Variants in ABAT observed in about 807,000 individuals in gnomAD.
The protein encoded by ABAT is 4-aminobutyrate aminotransferase, mitochondrial.
ABAT carries 45 observed loss-of-function variants against 64.6 expected under a neutral mutation model. That is an observed-to-expected ratio of 0.70 (90% CI 0.55 to 0.89). The LOEUF (loss-of-function observed/expected upper bound fraction) is 0.89. Ranked by LOEUF, ABAT falls within the 40% of genes least tolerant of loss-of-function variation. The probability of loss-of-function intolerance (pLI) is 0.00; values close to 1 mark genes in which losing one functional copy is unlikely to be tolerated. For missense variants in ABAT, 633 were observed against 658.4 expected (o/e 0.96, Z 0.42); for synonymous variants, 297 against 250.5 (o/e 1.19, Z -1.75).
intron 2 of ABAT, among the ~76,000 whole-genome samples, chr16:8,742,418 G>A (rs936182919): frequency 2.6e-5 from 4 of 152,138 alleles, no homozygotes; most frequent in African/African-American, 9.7e-5. Flanking sequence ...GCTAATTTCT[G>A]ATTTTTCATT....
chr16:8,753,358 G>A (rs1650524388), intron 5 of ABAT, among the ~76,000 whole-genome samples: 1 of 152,140 alleles, frequency 6.6e-6, no homozygotes, highest in Non-Finnish European at 1.5e-5. Flanking sequence ...GCCTCCCAAA[G>A]TGCTAGGAAT....
chr16:8,739,097 G>T (rs2059081599), intron 2 of ABAT, among the ~76,000 whole-genome samples: 1 of 152,250 alleles, frequency 6.6e-6, no homozygotes, highest in African/African-American at 2.4e-5. Context: ...AACTAAGGCT[G>T]TTGGGCACCT....
At chr16:8,722,786 A>C in intron 1 of ABAT, 1 of 1,288,310 alleles carries the variant, frequency 7.8e-7, no homozygotes, top group Non-Finnish European at 1.0e-6. Flanking sequence ...TCCAGGGTCT[A>C]GCGGATTGCA....
chr16:8,712,009 G>GGT (rs1555485859), intron 1 of ABAT, among the ~76,000 whole-genome samples: 1 of 151,532 alleles, frequency 6.6e-6, no homozygotes, highest in African/African-American at 2.4e-5. Flanking sequence ...GGAGGTCGGG[G>GGT]GGGAGGGGCA....
intron 1 of ABAT, among the ~76,000 whole-genome samples, chr16:8,718,409 A>C (rs2058272028): frequency 6.6e-6 from 1 of 152,248 alleles, no homozygotes; most frequent in African/African-American, 2.4e-5. Context: ...CTTTAGGGGA[A>C]TGGCAATGAA....
At chr16:8,704,977 T>C (rs1470703892) in intron 1 of ABAT, among the ~76,000 whole-genome samples, 1 of 152,212 alleles carries the variant, frequency 6.6e-6, no homozygotes, top group Non-Finnish European at 1.5e-5. Flanking sequence ...TGAGACACTG[T>C]GCCTGTGGCT....
rs552256994 is a variant in ABAT at position 8,722,307 on chromosome 16, T to C, written c.-41-13392T>C. The stretch of plus-strand genomic sequence containing the variant: ...GGAAGATAGCAATTAGGTTTTTTTA[T>C]TTGTTATATTTTTCTTTGTAGAGAC... On this transcript the variant is annotated intron_variant, in intron 1 of 15. Transcript: ENST00000268251. Among the ~76,000 whole-genome samples, 4 of 152,278 alleles carry C rather than the reference T, an allele frequency of 2.6e-5. No individual in the cohort carries two copies. The East Asian group carries it at 7.7e-4, about 29-fold the overall frequency.
At chr16:8,697,675 A>G (rs2057734062) in intron 1 of ABAT, among the ~76,000 whole-genome samples, 1 of 151,204 alleles carries the variant, frequency 6.6e-6, no homozygotes, top group African/African-American at 2.4e-5. Flanking sequence ...TTGCTCTGTC[A>G]CCCAGGCTGG....
intron 1 of ABAT, among the ~76,000 whole-genome samples, chr16:8,712,008 G>GGT (rs1057197613): frequency 5.9e-5 from 9 of 151,664 alleles, no homozygotes; most frequent in African/African-American, 1.5e-4. Context: ...GGGAGGTCGG[G>GGT]GGGGAGGGGC....
chr16:8,733,857 C>T (rs1185418291), intron 1 of ABAT, among the ~76,000 whole-genome samples: 1 of 152,174 alleles, frequency 6.6e-6, no homozygotes, highest in Non-Finnish European at 1.5e-5. Context: ...TCTTAATCTA[C>T]TTTAGGTTTC....
Position 8,722,706 on chromosome 16 carries a change from G to A in ABAT, c.-41-12993G>A. Reference sequence around the variant, plus strand: ...CTCCTTGGTCACAATTTCATGGCGTGCCAGTGCTCTGAAAGCACCTCCCTT... The same window carrying A: ...CTCCTTGGTCACAATTTCATGGCGTACCAGTGCTCTGAAAGCACCTCCCTT... On this transcript the variant is annotated intron_variant, in intron 1 of 15. Transcript: ENST00000268251. The A allele has an allele frequency of 4.1e-6, 3 of 728,536 alleles. No individual in the cohort carries two copies. The South Asian group carries it at 4.7e-5, about 12-fold the overall frequency. The allele number at this position is 728,536 out of a possible 1,614,324, so 45.1% of individuals were successfully genotyped here.
intron 6 of ABAT, among the ~76,000 whole-genome samples, chr16:8,758,287 C>G (rs13339338): frequency 0.014 from 2,193 of 152,250 alleles, 57 homozygotes; most frequent in African/African-American, 0.051. Context: ...AATAAACCCA[C>G]AGGAGCTGAG....
At chr16:8,691,494 C>T (rs1265722991) in intron 1 of ABAT, among the ~76,000 whole-genome samples, 1 of 152,026 alleles carries the variant, frequency 6.6e-6, no homozygotes, top group African/African-American at 2.4e-5. Flanking sequence ...GGTTGGAGTG[C>T]AGTGGCACAA....
chr16:8,735,411 C>G (rs954272358), intron 1 of ABAT, among the ~76,000 whole-genome samples: 17 of 151,904 alleles, frequency 1.1e-4, no homozygotes, highest in African/African-American at 3.4e-4. Context: ...ACCACCACAC[C>G]CAGCTAATTT....
chr16:8,706,109 C>T (rs2057934826), intron 1 of ABAT, among the ~76,000 whole-genome samples: 1 of 152,020 alleles, frequency 6.6e-6, no homozygotes, highest in African/African-American at 2.4e-5. Context: ...GGAAGGCGTA[C>T]ATTAAAAAGA....
intron 1 of ABAT, chr16:8,731,684 TACCATCTTC>T (rs2058724084): frequency 6.6e-6 from 1 of 152,078 alleles, no homozygotes; most frequent in African/African-American, 2.4e-5. Flanking sequence ...ACATAAAATT[TACCATCTTC>T]ACCATTTTCA....
chr16:8,684,101 A>C (rs1338194681), intron 1 of ABAT, among the ~76,000 whole-genome samples: 1 of 152,158 alleles, frequency 6.6e-6, no homozygotes, highest in African/African-American at 2.4e-5. Context: ...TGTGGGAGTG[A>C]ATACAGGTTC....
chr16:8,779,381 G>A, intron 14 of ABAT, 98 bp from the exon 15 acceptor site: 1 of 1,017,520 alleles, frequency 9.8e-7, no homozygotes, highest in Non-Finnish European at 1.5e-6. Context: ...AGAGGCCGAG[G>A]CTGGACCATG....
intron 1 of ABAT, among the ~76,000 whole-genome samples, chr16:8,695,350 C>T (rs540375740): frequency 7.6e-4 from 116 of 152,298 alleles, no homozygotes; most frequent in African/African-American, 2.7e-3. Context: ...CAGCGCCTTG[C>T]TGTAGTTTTA....
Sources: gnomAD v4.1 joint callset for allele counts (sites outside exome capture counted in the v4.1 genomes callset) on GRCh38, gnomAD v4.1.1 for gene constraint, MANE v1.5 for transcripts, NCBI Gene and HGNC (gene_info 2026-07-23, HGNC 2026-07-21) for gene names.